Variants in CSMD3 observed in about 807,000 individuals in gnomAD.
The protein encoded by CSMD3 is CUB and Sushi multiple domains 3.
Under a neutral mutation model 435.2 loss-of-function variants are expected in CSMD3, and 177 were observed. That is an observed-to-expected ratio of 0.41 (90% confidence interval 0.36 to 0.46). CSMD3 has a LOEUF of 0.46. Among genes scored for constraint, CSMD3 ranks in the 20% least tolerant of loss-of-function variants. CSMD3 has a pLI of 0.34. For synonymous variants in CSMD3, 1,656 were observed against 1,520.5 expected (o/e 1.09, Z -2.07); for missense variants, 4,265 against 4,504.6 (o/e 0.95, Z 1.52).
At chr8:112,242,969 G>A (rs1018243563) in intron 65 of CSMD3, among the ~76,000 whole-genome samples, 4 of 152,014 alleles carry the variant, frequency 2.6e-5, no homozygotes, top group African/African-American at 9.7e-5. Flanking sequence ...AAAACAATCA[G>A]TGTATAAAGG....
At chr8:113,244,925 T>C (rs959898155) in intron 3 of CSMD3, among the ~76,000 whole-genome samples, 2 of 152,214 alleles carry the variant, frequency 1.3e-5, no homozygotes, top group Non-Finnish European at 2.9e-5. Context: ...TGTTATATTG[T>C]TCCTGTTACC....
At chr8:112,930,265 ATAC>A (rs2083062851) in intron 9 of CSMD3, among the ~76,000 whole-genome samples, 1 of 152,112 alleles carries the variant, frequency 6.6e-6, no homozygotes, top group Non-Finnish European at 1.5e-5. Flanking sequence ...TCTCATCCCT[ATAC>A]TACTATCAGA....
intron 6 of CSMD3, among the ~76,000 whole-genome samples, chr8:113,009,962 T>A (rs544336437): frequency 6.6e-5 from 10 of 151,954 alleles, no homozygotes; most frequent in African/African-American, 2.4e-4. Context: ...TCTGCTGATA[T>A]CTCATATGAT....
intron 10 of CSMD3, among the ~76,000 whole-genome samples, chr8:112,895,251 A>T (rs1472994178): frequency 1.3e-5 from 2 of 151,424 alleles, no homozygotes; most frequent in African/African-American, 2.4e-5. Flanking sequence ...TAATTATTTT[A>T]AAAAATAATG....
intron 22 of CSMD3, among the ~76,000 whole-genome samples, chr8:112,629,325 C>T (rs1293188846): frequency 6.6e-6 from 1 of 152,024 alleles, no homozygotes; most frequent in African/African-American, 2.4e-5. Context: ...CCTCAGCCTC[C>T]CCAGTGGCTG....
At position 112,713,832 on chromosome 8, in the gene CSMD3, T is replaced by C. The variant is rs949447336; in HGVS notation, c.1973-23782A>G. 2.0e-5 allele frequency among the ~76,000 whole-genome samples: 3 copies of C among 152,042 alleles called. No homozygotes were observed. The South Asian group carries it at 6.2e-4, about 31-fold the overall frequency. On this transcript the variant is annotated intron_variant, in intron 13 of 70. Coordinates refer to ENST00000297405, the MANE Select transcript of CSMD3 (RefSeq NM_198123.2). ...TCATATCCAGCCAAACTAAGCTTCA[T>C]AAGGGAAGGAGAAATAACCTCCATC...
At chr8:112,943,535 C>A (rs111540313) in intron 9 of CSMD3, among the ~76,000 whole-genome samples, 1 of 151,520 alleles carries the variant, frequency 6.6e-6, no homozygotes, top group African/African-American at 2.4e-5. Context: ...ATCTAATGTT[C>A]CTTTGAGATA....
intron 70 of CSMD3, 75 bp downstream of exon 70, chr8:112,228,681 T>G: frequency 6.9e-7 from 1 of 1,457,002 alleles, no homozygotes; most frequent in Non-Finnish European, 9.5e-7. Context: ...AAATTAAGAT[T>G]TGAGCTAGAG....
At chr8:113,067,623 G>C (rs1174194598) in intron 5 of CSMD3, among the ~76,000 whole-genome samples, 2 of 151,926 alleles carry the variant, frequency 1.3e-5, no homozygotes, top group African/African-American at 4.8e-5. Flanking sequence ...CTTAGCACAG[G>C]TTCAGACAAA....
chr8:112,896,789 T>G (rs76673099), intron 10 of CSMD3, among the ~76,000 whole-genome samples: 3,492 of 151,570 alleles, frequency 0.023, 127 homozygotes, highest in African/African-American at 0.079. Context: ...ATTTTGAAAA[T>G]GCAAATCTGA....
chr8:113,348,636 T>C (rs1226688400), intron 1 of CSMD3, among the ~76,000 whole-genome samples: 1 of 152,038 alleles, frequency 6.6e-6, no homozygotes, highest in African/African-American at 2.4e-5. Flanking sequence ...TACATCGAGA[T>C]TGTGTTCATA....
At chr8:113,148,940 C>T (rs1244121034) in intron 4 of CSMD3, among the ~76,000 whole-genome samples, 1 of 151,602 alleles carries the variant, frequency 6.6e-6, no homozygotes, top group Non-Finnish European at 1.5e-5. Flanking sequence ...TGTTTATGCA[C>T]ACACATACAT....
At chr8:112,453,999 A>C (rs767479126) in intron 32 of CSMD3, among the ~76,000 whole-genome samples, 1 of 152,210 alleles carries the variant, frequency 6.6e-6, no homozygotes, top group Non-Finnish European at 1.5e-5. Context: ...TCAATGGGAA[A>C]ATAATTCTCT....
chr8:112,399,378 G>A (rs6469415), intron 35 of CSMD3, among the ~76,000 whole-genome samples: 69,441 of 151,182 alleles, frequency 0.46, 16,335 homozygotes, highest in Middle Eastern at 0.6. Flanking sequence ...CTCCTGCTTC[G>A]GCCTCCAGAG....
intron 38 of CSMD3, among the ~76,000 whole-genome samples, chr8:112,375,075 T>C (rs566819144): frequency 5.9e-5 from 9 of 152,318 alleles, no homozygotes; most frequent in African/African-American, 1.7e-4. Flanking sequence ...GTATCATTTG[T>C]TCTTATGCTC....
intron 13 of CSMD3, among the ~76,000 whole-genome samples, chr8:112,766,524 G>T (rs1221444823): frequency 1.3e-5 from 2 of 151,754 alleles, no homozygotes; most frequent in East Asian, 1.9e-4. Context: ...TATAGATAAA[G>T]ATGTCTCAGC....
At chr8:113,329,948 C>A (rs2094014707) in intron 1 of CSMD3, among the ~76,000 whole-genome samples, 1 of 151,976 alleles carries the variant, frequency 6.6e-6, no homozygotes, top group South Asian at 2.1e-4. Flanking sequence ...TAAAATGAGT[C>A]CTTTGGGCTG....
chr8:112,459,359 G>GT (rs201845037), intron 32 of CSMD3, among the ~76,000 whole-genome samples: 39,970 of 93,508 alleles, frequency 0.43, 5,950 homozygotes, highest in East Asian at 0.61. Flanking sequence ...GTGTGTGTGT[G>GT]GGGGGGGGGG....
chr8:112,935,061 A>G (rs2083238162), intron 9 of CSMD3, among the ~76,000 whole-genome samples: 1 of 152,082 alleles, frequency 6.6e-6, no homozygotes, highest in Non-Finnish European at 1.5e-5. Flanking sequence ...ACCTAAATTT[A>G]TTTTGAGTTG....
Sources: allele counts gnomAD v4.1 joint callset (sites outside exome capture counted in the v4.1 genomes callset), GRCh38; gene constraint gnomAD v4.1.1; transcripts MANE v1.5; gene names NCBI Gene and HGNC (gene_info 2026-07-23, HGNC 2026-07-21).